The following TNIK variants were observed in gnomAD, a reference collection of about 807,000 sequenced individuals.
TNIK encodes TRAF2 and NCK-interacting protein kinase.
In TNIK, 49 loss-of-function variants were observed where a neutral mutation model predicts 191.3. That is an observed-to-expected ratio of 0.26 (90% CI 0.20 to 0.32). TNIK has a LOEUF of 0.32. Ranked by LOEUF, TNIK falls within the 10% of genes least tolerant of loss-of-function variation. The pLI is 1.00. For synonymous variants in TNIK, 594 were observed against 600.9 expected, an observed-to-expected ratio of 0.99 and a Z score of 0.17; for missense variants, 1,155 against 1,702.3, an observed-to-expected ratio of 0.68 and a Z score of 5.66.
chr3:171,206,506 C>T (rs1740115560), intron 4 of TNIK, among the ~76,000 whole-genome samples: 1 of 151,948 alleles, frequency 6.6e-6, no homozygotes, highest in African/African-American at 2.4e-5. Flanking sequence ...ACAATACCTC[C>T]CATTAACACC....
rs546047967 is a variant in TNIK, at chr3:171,282,350, T to G, written c.124-54129A>C. Among the ~76,000 whole-genome samples the G allele has an allele frequency of 1.0e-4, 15 of 145,362 alleles. No individual in the cohort carries two copies. The South Asian group carries it at 3.0e-3, about 30-fold the overall frequency. ...CTCTTAATGGTTTTTTGTTTTTTTTTTTTTTTTTGAGATGGAGTTTCGCTC... is the reference window on the plus strand; with the variant it reads ...CTCTTAATGGTTTTTTGTTTTTTTTGTTTTTTTTGAGATGGAGTTTCGCTC... On this transcript the variant is annotated intron_variant, in intron 2 of 32. Coordinates refer to ENST00000436636, the MANE Select transcript of TNIK (RefSeq NM_015028.4).
intron 2 of TNIK, among the ~76,000 whole-genome samples, chr3:171,325,700 G>T (rs993988060): frequency 1.3e-5 from 2 of 151,032 alleles, no homozygotes; most frequent in South Asian, 2.1e-4. Flanking sequence ...AACAGCCAAG[G>T]TCAGTAAACT....
At chr3:171,264,957 A>G (rs1299555583) in intron 2 of TNIK, among the ~76,000 whole-genome samples, 1 of 152,218 alleles carries the variant, frequency 6.6e-6, no homozygotes, top group African/African-American at 2.4e-5. Flanking sequence ...AGGCTGCTGT[A>G]TTAGGCCCAG....
intron 30 of TNIK, among the ~76,000 whole-genome samples, chr3:171,067,757 C>T (rs919996275): frequency 1.1e-4 from 16 of 152,062 alleles, no homozygotes; most frequent in African/African-American, 3.9e-4. Context: ...TTGTGATCCC[C>T]TAGTTGAGAA....
rs1438126892 is a variant in TNIK, at chr3:171,063,303, A to G, written c.*578T>C. ...AAAATTCATTAGCCAGTTGCTATCA[A>G]AAAGCAACCTTTTGGGTTGGTGAAG... On this transcript the variant is annotated 3_prime_UTR_variant, in exon 33 of 33. Coordinates refer to ENST00000436636, the MANE Select transcript of TNIK (RefSeq NM_015028.4). 6.6e-6 allele frequency: 1 copy of G among 152,230 alleles called. No homozygotes were observed. Among genetic ancestry groups the G allele is most frequent in the Non-Finnish European group, 1.5e-5 (1 of 68,040 alleles). 9.4% of individuals were successfully genotyped at this position (152,230 alleles called of 1,614,324 possible).
chr3:171,292,142 T>C (rs962653654), intron 2 of TNIK, among the ~76,000 whole-genome samples: 4 of 152,216 alleles, frequency 2.6e-5, no homozygotes, highest in African/African-American at 9.6e-5. Flanking sequence ...ACAAGAATAT[T>C]TTCCTTTATC....
chr3:171,436,240 A>T (rs1326440070), intron 1 of TNIK, among the ~76,000 whole-genome samples: 1 of 149,986 alleles, frequency 6.7e-6, no homozygotes, highest in Non-Finnish European at 1.5e-5. Flanking sequence ...TTACCACTAC[A>T]CTTTGAACTT....
intron 2 of TNIK, among the ~76,000 whole-genome samples, chr3:171,294,492 G>T (rs564107464): frequency 6.6e-6 from 1 of 152,174 alleles, no homozygotes; most frequent in South Asian, 2.1e-4. Flanking sequence ...AAGCTGAGGT[G>T]GGTGGATCTC....
At chr3:171,372,753 A>C (rs114127783) in intron 1 of TNIK, among the ~76,000 whole-genome samples, 36 of 152,330 alleles carry the variant, frequency 2.4e-4, no homozygotes, top group Non-Finnish European at 4.7e-4. Context: ...GAAGGTGGAC[A>C]ACTGAGTGCC....
intron 2 of TNIK, among the ~76,000 whole-genome samples, chr3:171,332,971 T>C (rs1756553497): frequency 6.6e-6 from 1 of 152,072 alleles, no homozygotes; most frequent in African/African-American, 2.4e-5. Flanking sequence ...GGGGTGGAAA[T>C]GCTAGAAATC....
chr3:171,298,857 C>T (rs1752595801), intron 2 of TNIK, among the ~76,000 whole-genome samples: 1 of 152,216 alleles, frequency 6.6e-6, no homozygotes, highest in Non-Finnish European at 1.5e-5. Context: ...ACCAGCTTCA[C>T]AAAACTCTGG....
intron 15 of TNIK, among the ~76,000 whole-genome samples, chr3:171,131,554 A>G (rs1356793032): frequency 6.6e-6 from 1 of 152,176 alleles, no homozygotes; most frequent in Non-Finnish European, 1.5e-5. Context: ...AATATATGGC[A>G]TAAGTAATTG....
chr3:171,182,911 T>G (rs1736842174), intron 7 of TNIK, among the ~76,000 whole-genome samples: 1 of 152,160 alleles, frequency 6.6e-6, no homozygotes, highest in Non-Finnish European at 1.5e-5. Flanking sequence ...TGAAAAGAAC[T>G]GCAACAGGAA....
At chr3:171,098,009 C>T (rs1399915610) in intron 22 of TNIK, among the ~76,000 whole-genome samples, 1 of 152,102 alleles carries the variant, frequency 6.6e-6, no homozygotes, top group South Asian at 2.1e-4. Flanking sequence ...CAAATCTGTG[C>T]AGAAGAATTC....
At chr3:171,333,852 C>CCTCCCG (rs1488470457) in intron 2 of TNIK, among the ~76,000 whole-genome samples, 2 of 152,224 alleles carry the variant, frequency 1.3e-5, no homozygotes, top group Non-Finnish European at 2.9e-5. Flanking sequence ...ACAGGGAGCG[C>CCTCCCG]CTCCCGCCAA....
At chr3:171,197,904 C>T (rs1738902227) in intron 4 of TNIK, among the ~76,000 whole-genome samples, 1 of 152,106 alleles carries the variant, frequency 6.6e-6, no homozygotes, top group South Asian at 2.1e-4. Context: ...TCAGCAATTC[C>T]ACTTCTAGAA....
rs560993325 is a variant in TNIK, at chr3:171,369,586, G to A, written c.123+34C>T. On this transcript the variant is annotated intron_variant, in intron 2 of 32. Coordinates refer to ENST00000436636, the MANE Select transcript of TNIK (RefSeq NM_015028.4). ...AATTTGTCATTCATGAACTGAAACC[G>A]TACATAAGCCACTCTCAGACTCAAT... 1.6e-4 allele frequency: 244 copies of A among 1,540,498 alleles called. 2 individuals carry two copies. The South Asian group carries it at 2.6e-3, about 16-fold the overall frequency.
chr3:171,126,214 C>A, intron 16 of TNIK, 63 bp from the exon 17 acceptor site: 4 of 1,433,054 alleles, frequency 2.8e-6, no homozygotes, highest in Non-Finnish European at 2.7e-6. Context: ...GCCAGTACCT[C>A]AGTGAGCTGA....
chr3:171,146,656 A>C, intron 12 of TNIK, among the ~76,000 whole-genome samples: 1 of 152,146 alleles, frequency 6.6e-6, no homozygotes, highest in East Asian at 1.9e-4. Flanking sequence ...CTGGGAGGCC[A>C]AGGCGAGCGG....
Sources: gnomAD v4.1 joint callset for allele counts (sites outside exome capture counted in the v4.1 genomes callset) on GRCh38, gnomAD v4.1.1 for gene constraint, MANE v1.5 for transcripts, NCBI Gene and HGNC (gene_info 2026-07-23, HGNC 2026-07-21) for gene names.